Variants in RBM27 observed in about 807,000 individuals in gnomAD.
RBM27 encodes the protein RNA binding motif protein 27.
RBM27 carries 22 observed loss-of-function variants against 135.3 expected under a neutral mutation model. The observed-to-expected ratio is 0.16, with a 90% confidence interval of 0.12 to 0.23. The LOEUF is 0.23. RBM27 is among the 10% of genes least tolerant of loss of function. The pLI, the probability that RBM27 is intolerant of heterozygous loss-of-function variation, is 1.00. For missense variants in RBM27, 1,009 were observed against 1,281.0 expected, an observed-to-expected ratio of 0.79 and a Z score of 3.24; for synonymous variants, 481 against 442.4, an observed-to-expected ratio of 1.09 and a Z score of -1.10.
intron 14 of RBM27, among the ~76,000 whole-genome samples, chr5:146,264,699 C>T (rs918473796): frequency 1.4e-5 from 2 of 146,456 alleles, no homozygotes; most frequent in African/African-American, 5.0e-5. Flanking sequence ...AAACTGCTAT[C>T]CCAAAAATAC....
Position 146,284,652 on chromosome 5 carries a change from C to T in RBM27, c.3019C>T (p.Arg1007Cys), listed in dbSNP as rs199579077. The change falls in exon 20 of 21, where the codon CGT (arginine) becomes TGT (cysteine). Residue 1007 changes from arginine (R) to cysteine (C), a missense_variant. By Grantham distance (180) the Arg-to-Cys change is radical (BLOSUM62 -3). Coordinates refer to ENST00000265271, the MANE Select transcript of RBM27 (RefSeq NM_018989.2). ...TANQGPKFKD[R>C]RLQISWHKPK... ...AAACCAAGGGCCAAAATTTAAAGACCGTCGGCTACAGATATCATGGCACAA... is the reference window on the plus strand; with the variant it reads ...AAACCAAGGGCCAAAATTTAAAGACTGTCGGCTACAGATATCATGGCACAA... The T allele has an allele frequency of 3.0e-5, 48 of 1,612,218 alleles. No individual in the cohort carries two copies. In the African/African-American group the frequency reaches 4.4e-4, roughly 15 times the overall value.
chr5:146,274,392 G>A (rs189213970), intron 19 of RBM27, among the ~76,000 whole-genome samples: 25 of 152,224 alleles, frequency 1.6e-4, no homozygotes, highest in Non-Finnish European at 3.2e-4. Context: ...GAGTAGCTGA[G>A]ACTACAGGCA....
intron 1 of RBM27, among the ~76,000 whole-genome samples, chr5:146,209,962 C>T (rs1755864549): frequency 6.6e-6 from 1 of 152,174 alleles, no homozygotes; most frequent in Non-Finnish European, 1.5e-5. Context: ...TAACTATAGG[C>T]TAAAGCCAGA....
chr5:146,221,253 ATAAG>A (rs1756452412), intron 2 of RBM27, among the ~76,000 whole-genome samples: 1 of 152,210 alleles, frequency 6.6e-6, no homozygotes, highest in South Asian at 2.1e-4. Flanking sequence ...GGATAAGAAA[ATAAG>A]TAACCATAAA....
At chr5:146,241,617 C>A (rs1168828570) in intron 8 of RBM27, among the ~76,000 whole-genome samples, 1 of 152,168 alleles carries the variant, frequency 6.6e-6, no homozygotes. Context: ...GGCCCCAAGG[C>A]CCACCTAATT....
At position 146,203,632 on chromosome 5, in the gene RBM27, G is replaced by A. The variant is rs550680381; in HGVS notation, c.-134G>A. 1.3e-6 allele frequency: 1 copy of A among 763,072 alleles called. No individual in the cohort carries two copies. The highest frequency in any genetic ancestry group is 2.5e-5 in the Admixed American group (1 of 39,512). The allele number at this position is 763,072 out of a possible 1,614,324, so 47.3% of individuals were successfully genotyped here. A position where few individuals can be genotyped will look rare whatever the true frequency, so the allele number is the denominator to read the frequency against. ...TTCCTGTTAGGCCCCGGCCGGGGGA[G>A]TAGGTTGAAGTCTCCTAAGATGCCC... On this transcript the variant is annotated 5_prime_UTR_variant, in exon 1 of 21. Transcript: ENST00000265271.
chr5:146,282,212 G>GAC (rs1236887533), intron 19 of RBM27, among the ~76,000 whole-genome samples: 1 of 152,026 alleles, frequency 6.6e-6, no homozygotes, highest in Admixed American at 6.6e-5. Context: ...CTCCATGTTG[G>GAC]ACAGGCTGGT....
chr5:146,249,511 C>A (rs1203550904), intron 8 of RBM27, among the ~76,000 whole-genome samples: 1 of 151,486 alleles, frequency 6.6e-6, no homozygotes, highest in African/African-American at 2.4e-5. Flanking sequence ...CATGGTGAAA[C>A]CCCGTCCCTA....
intron 18 of RBM27, 88 bp downstream of exon 18, chr5:146,271,146 A>G (rs1758845663): frequency 3.2e-6 from 3 of 932,332 alleles, no homozygotes; most frequent in African/African-American, 1.7e-5. Flanking sequence ...CACGCCTGTA[A>G]TCTCAGCACT....
intron 13 of RBM27, among the ~76,000 whole-genome samples, chr5:146,262,148 G>C (rs978616993): frequency 6.6e-6 from 1 of 152,114 alleles, no homozygotes; most frequent in Non-Finnish European, 1.5e-5. Flanking sequence ...CTGGGCTTCA[G>C]CTTCTCAAAC....
rs1207837654 is a variant in RBM27, at chr5:146,271,613, A to G, written c.2927A>G (p.Lys976Arg). The change falls in exon 19 of 21, where the codon AAA (lysine) becomes AGA (arginine). Residue 976 changes from lysine (K) to arginine (R), a missense_variant. Physicochemically the swap from Lys to Arg is conservative, Grantham distance 26. Around this residue, in one of 6 missense-constraint regions of RBM27, gnomAD observed 355 missense variants for 427.3 expected, o/e 0.83. Transcript: ENST00000265271. ...LNHMVVDHRPKALTVGGFIEE... is the reference protein window; with the variant it reads ...LNHMVVDHRPRALTVGGFIEE... ...CACATGGTGGTGGACCATCGTCCCA[A>G]AGCACTAACAGTTGGAGGATTCATT... 1.2e-6 allele frequency: 2 copies of G among 1,614,042 alleles called. No individual in the cohort carries two copies. Among genetic ancestry groups the G allele is most frequent in the Non-Finnish European group, 1.7e-6 (2 of 1,179,942 alleles).
At chr5:146,235,399 TAC>T (rs1757115744) in intron 7 of RBM27, among the ~76,000 whole-genome samples, 1 of 151,758 alleles carries the variant, frequency 6.6e-6, no homozygotes. Context: ...TTACAAAAAA[TAC>T]AAAAATTAGC....
chr5:146,211,939 T>C (rs1365146433), intron 1 of RBM27, among the ~76,000 whole-genome samples: 3 of 152,206 alleles, frequency 2.0e-5, no homozygotes, highest in Non-Finnish European at 2.9e-5. Flanking sequence ...GTATGAATTT[T>C]TATATAGCTA....
Position 146,251,744 on chromosome 5 carries a change from C to A in RBM27, c.1313C>A (p.Ala438Asp), listed in dbSNP as rs779479917. 6.2e-7 allele frequency: 1 copy of A among 1,613,094 alleles called. No individual in the cohort carries two copies. Among genetic ancestry groups the A allele is most frequent in the South Asian group, 1.1e-5 (1 of 91,068 alleles). Reference sequence around the variant, plus strand: ...ATGTACTCTCGTGAACATGGTGCTGCTGCATCTGAGCGACTTCAGTTGGGG... The same window carrying A: ...ATGTACTCTCGTGAACATGGTGCTGATGCATCTGAGCGACTTCAGTTGGGG... The part of the protein sequence containing the change: ...QPMYSREHGA[A>D]ASERLQLGTP... Residue 438 changes from alanine to aspartate, a missense_variant, in exon 9 of 21, where the codon GCT (alanine) becomes GAT (aspartate). By Grantham distance (126) the Ala-to-Asp change is moderately radical. Around this residue, in one of 6 missense-constraint regions of RBM27, gnomAD observed 329 missense variants for 368.1 expected, o/e 0.89. Coordinates refer to ENST00000265271, the MANE Select transcript of RBM27 (RefSeq NM_018989.2).
At chr5:146,270,441 CT>C (rs1758813030) in intron 17 of RBM27, among the ~76,000 whole-genome samples, 1 of 151,830 alleles carries the variant, frequency 6.6e-6, no homozygotes, top group Non-Finnish European at 1.5e-5. Context: ...GAAATCTTTT[CT>C]AATTATAGAA....
chr5:146,216,538 C>T (rs1756201490), intron 1 of RBM27, among the ~76,000 whole-genome samples: 1 of 152,140 alleles, frequency 6.6e-6, no homozygotes, highest in Admixed American at 6.5e-5. Context: ...ACTCTCTTAG[C>T]AAATTCAAGT....
chr5:146,221,094 G>T (rs1041485257), intron 2 of RBM27, among the ~76,000 whole-genome samples: 1 of 150,032 alleles, frequency 6.7e-6, no homozygotes, highest in Non-Finnish European at 1.5e-5. Flanking sequence ...GGTGGTGGGC[G>T]CCTGTAGTCC....
At chr5:146,274,247 C>CT (rs998266494) in intron 19 of RBM27, among the ~76,000 whole-genome samples, 8 of 148,014 alleles carry the variant, frequency 5.4e-5, no homozygotes, top group African/African-American at 1.5e-4. Flanking sequence ...AGGTGGTTAT[C>CT]TTTTTTTTGT....
chr5:146,223,189 C>T (rs1420983678), intron 2 of RBM27, among the ~76,000 whole-genome samples: 1 of 151,994 alleles, frequency 6.6e-6, no homozygotes, highest in Non-Finnish European at 1.5e-5. Flanking sequence ...CTATTATATC[C>T]TCCAACAAAT....
Sources: allele counts gnomAD v4.1 joint callset (sites outside exome capture counted in the v4.1 genomes callset), GRCh38; gene constraint gnomAD v4.1.1; regional missense constraint gnomAD v4.1.1; transcripts MANE v1.5; gene names NCBI Gene and HGNC (gene_info 2026-07-23, HGNC 2026-07-21).